The following EVL variants were observed in gnomAD, a reference collection of about 807,000 sequenced individuals.
EVL encodes ena/VASP-like protein.
In EVL, 21 loss-of-function variants were observed where a neutral mutation model predicts 59.6. The ratio of observed to expected loss-of-function variants is 0.35; its 90% CI spans 0.25 to 0.51. The LOEUF (loss-of-function observed/expected upper bound fraction) is 0.51. Among genes scored for constraint, EVL ranks in the 20% least tolerant of loss-of-function variants. The pLI is 0.97. For synonymous variants in EVL, 198 were observed against 203.5 expected, an observed-to-expected ratio of 0.97 and a Z score of 0.23; for missense variants, 462 against 546.6, an observed-to-expected ratio of 0.85 and a Z score of 1.54.
intron 1 of EVL, among the ~76,000 whole-genome samples, chr14:100,029,387 T>A (rs1428485693): frequency 6.6e-6 from 1 of 152,160 alleles, no homozygotes; most frequent in Non-Finnish European, 1.5e-5. Context: ...GATACTAGGA[T>A]AACCATTCAT....
At chr14:100,076,871 G>A (rs553236960) in intron 1 of EVL, among the ~76,000 whole-genome samples, 21 of 152,282 alleles carry the variant, frequency 1.4e-4, no homozygotes, top group Non-Finnish European at 1.8e-4. Flanking sequence ...ATTATATTGC[G>A]TAATAACGAT....
At chr14:100,023,452 C>T (rs1255005967) in intron 1 of EVL, among the ~76,000 whole-genome samples, 2 of 149,978 alleles carry the variant, frequency 1.3e-5, no homozygotes, top group South Asian at 2.2e-4. Context: ...CTCAGCCTCC[C>T]GAGTAGCTGG....
At chr14:100,019,136 T>A (rs2061078116) in intron 1 of EVL, among the ~76,000 whole-genome samples, 1 of 152,240 alleles carries the variant, frequency 6.6e-6, no homozygotes, top group Admixed American at 6.5e-5. Flanking sequence ...TACAGAATTC[T>A]GCAGAATTTT....
intron 9 of EVL, among the ~76,000 whole-genome samples, 153 bp downstream of exon 9, chr14:100,136,121 AGCCTCCCCCAGG>A (rs1888770832): frequency 2.1e-5 from 1 of 48,762 alleles, no homozygotes; most frequent in Non-Finnish European, 6.3e-5. Context: ...GGTCCCCCAG[AGCCTCCCCCAGG>A]AGCCCATGTG....
chr14:100,141,860 C>A (rs1566735772), intron 13 of EVL, 67 bp downstream of exon 13: 2 of 1,500,852 alleles, frequency 1.3e-6, no homozygotes, highest in East Asian at 2.3e-5. Context: ...CCCTGTCACC[C>A]AGGCTGGGGG....
chr14:100,110,961 C>T (rs777259120), intron 3 of EVL, among the ~76,000 whole-genome samples: 7 of 152,130 alleles, frequency 4.6e-5, no homozygotes, highest in Non-Finnish European at 8.8e-5. Context: ...CCTGGTAGGG[C>T]TCAGGAAGCA....
chr14:100,011,237 T>C (rs2061015175), intron 1 of EVL, among the ~76,000 whole-genome samples: 1 of 152,184 alleles, frequency 6.6e-6, no homozygotes, highest in African/African-American at 2.4e-5. Flanking sequence ...TCAGTGTCAC[T>C]CAAAAGCATT....
intron 1 of EVL, among the ~76,000 whole-genome samples, chr14:100,069,068 TC>T (rs1341671759): frequency 6.6e-6 from 1 of 152,206 alleles, no homozygotes; most frequent in African/African-American, 2.4e-5. Flanking sequence ...GAATGTAAAC[TC>T]CCAGAAGGCA....
At chr14:100,103,550 G>C (rs1281259231) in intron 3 of EVL, among the ~76,000 whole-genome samples, 1 of 152,080 alleles carries the variant, frequency 6.6e-6, no homozygotes, top group Admixed American at 6.6e-5. Context: ...CATTTTGCCT[G>C]CTCATGTACT....
At chr14:99,998,553 T>TA (rs2060927764) in intron 1 of EVL, among the ~76,000 whole-genome samples, 1 of 152,198 alleles carries the variant, frequency 6.6e-6, no homozygotes, top group South Asian at 2.1e-4. Context: ...ACTAGTTTTG[T>TA]AAAAATCATA....
rs1888301050 is a variant in EVL, at chr14:100,129,549, T to C, written c.718-14T>C. The C allele has an allele frequency of 1.2e-6, 2 of 1,612,982 alleles. No individual in the cohort carries two copies. The highest frequency in any genetic ancestry group is 4.5e-5 in the East Asian group (2 of 44,876). On this transcript the variant is annotated splice_polypyrimidine_tract_variant and intron_variant, in intron 6 of 13. Coordinates refer to ENST00000392920, the MANE Select transcript of EVL (RefSeq NM_016337.3). Reference sequence around the variant, plus strand: ...CAGCAGCAGAATCTAAAACGCGGCCTCCTTTTTCCTCAGCCAGAAGACGCA... The same window carrying C: ...CAGCAGCAGAATCTAAAACGCGGCCCCCTTTTTCCTCAGCCAGAAGACGCA...
chr14:100,089,288 AT>A lies in EVL; in HGVS notation c.180+4437del, dbSNP rs58692634. ...TAACATTATTAACCAACTTGAGCTAATTTTCATTTGTAGAAACTATAGCCAA... is the reference window on the plus strand; with the variant it reads ...TAACATTATTAACCAACTTGAGCTAATTTCATTTGTAGAAACTATAGCCAA... On this transcript the variant is annotated intron_variant, in intron 2 of 13. Coordinates refer to ENST00000392920, the MANE Select transcript of EVL (RefSeq NM_016337.3). Among the ~76,000 whole-genome samples the A allele has an allele frequency of 3.6e-3, 554 of 152,356 alleles. 4 individuals are homozygous for A. The highest frequency in any genetic ancestry group is 0.013 in the African/African-American group (535 of 41,574).
rs570265402 is a variant in EVL at position 100,137,890 on chromosome 14, C to T, written c.1094+88C>T. ...CGTGACTAACACCCTTGCACGCTGT[C>T]TCACGTCCTGGCATTTAACAACTTG... On this transcript the variant is annotated intron_variant, in intron 11 of 13. Transcript: ENST00000392920. 104 of 1,329,424 alleles carry T rather than the reference C, an allele frequency of 7.8e-5. 1 individual carries two copies. The South Asian group carries it at 1.2e-3, about 15-fold the overall frequency. 82.4% of individuals were successfully genotyped at this position (1,329,424 alleles called of 1,614,324 possible). A position where few individuals can be genotyped will look rare whatever the true frequency, so the allele number is the denominator to read the frequency against.
At chr14:100,007,537 C>T (rs2060990482) in intron 1 of EVL, among the ~76,000 whole-genome samples, 1 of 152,204 alleles carries the variant, frequency 6.6e-6, no homozygotes, top group Admixed American at 6.5e-5. Flanking sequence ...TCATGGCACT[C>T]ATGAAAAATG....
At chr14:100,065,401 G>A (rs1302633706), upstream of EVL, 2 of 1,257,004 alleles carry the variant, frequency 1.6e-6, no homozygotes. Context: ...TAAAAATCAA[G>A]TTGCTGTCTT....
At chr14:99,995,380 C>T (rs1462678361) in intron 1 of EVL, among the ~76,000 whole-genome samples, 3 of 152,074 alleles carry the variant, frequency 2.0e-5, no homozygotes, top group African/African-American at 4.8e-5. Flanking sequence ...ACTTTGAGTT[C>T]GGTGGTTCTG....
At chr14:100,080,403 C>T (rs1276500158) in intron 1 of EVL, among the ~76,000 whole-genome samples, 2 of 152,188 alleles carry the variant, frequency 1.3e-5, no homozygotes, top group African/African-American at 2.4e-5. Flanking sequence ...CTGCTGTGCC[C>T]TGCCCCATGC....
Position 99,994,541 on chromosome 14 carries a change from ACT to A in EVL, c.5+22487_5+22488del, listed in dbSNP as rs950850782. Among the ~76,000 whole-genome samples the A allele has an allele frequency of 2.1e-3, 318 of 150,842 alleles. 1 individual carries two copies. The highest frequency in any genetic ancestry group is 7.5e-3 in the African/African-American group (309 of 41,174). ...CAACTTCCTTTCTGTTGCGTTAAAA[ACT>A]CTACTCCTTTACATCCCTGTCCACC... On this transcript the variant is annotated intron_variant, in intron 1 of 13. Coordinates refer to the EVL transcript ENST00000402714.
At chr14:99,985,247 A>G (rs955600309) in intron 1 of EVL, among the ~76,000 whole-genome samples, 4 of 152,024 alleles carry the variant, frequency 2.6e-5, no homozygotes, top group African/African-American at 9.7e-5. Flanking sequence ...AGCATGGGGC[A>G]TATGAGATGG....
Sources: allele counts gnomAD v4.1 joint callset (sites outside exome capture counted in the v4.1 genomes callset), GRCh38; gene constraint gnomAD v4.1.1; transcripts MANE v1.5; gene names NCBI Gene and HGNC (gene_info 2026-07-23, HGNC 2026-07-21).